ADGRG1: variants seen among roughly 807,000 people sequenced by gnomAD.
ADGRG1 encodes 7-transmembrane protein with no EGF-like N-terminal domains-1.
In ADGRG1, 53 loss-of-function variants were observed where a neutral mutation model predicts 73.5. The observed-to-expected ratio is 0.72, with a 90% CI of 0.58 to 0.91. The LOEUF (loss-of-function observed/expected upper bound fraction) is 0.91. Ranked by LOEUF, ADGRG1 falls within the 40% of genes least tolerant of loss-of-function variation. The pLI, the probability that ADGRG1 is intolerant of heterozygous loss-of-function variation, is 0.00. For missense variants in ADGRG1, 795 were observed against 871.8 expected (o/e 0.91, Z 1.11); for synonymous variants, 394 against 374.4 (o/e 1.05, Z -0.60).
intron 3 of ADGRG1, chr16:57,652,116 C>A (rs1354196021): frequency 2.9e-6 from 3 of 1,044,950 alleles, no homozygotes; most frequent in Non-Finnish European, 3.5e-6. Flanking sequence ...AACCCAGCAG[C>A]TGATTGGAGT....
intron 1 of ADGRG1, chr16:57,645,000 AC>A: frequency 1.1e-6 from 1 of 885,354 alleles, no homozygotes; most frequent in Non-Finnish European, 1.4e-6. Context: ...ACACACATGC[AC>A]ACTCATGCAT....
In ADGRG1 at chr16:57,630,482, T is replaced by C. The variant is rs560267364; in HGVS notation, c.-36+1680T>C. ...GGAGCTCAGCTGCTAAATGGGTGTG[T>C]AGGGGTGATCACAGCTGCCCTGGCT... On this transcript the variant is annotated intron_variant, in intron 1 of 13. Coordinates refer to ENST00000562631, the MANE Select transcript of ADGRG1 (RefSeq NM_201525.4). 428 of 985,736 alleles carry C rather than the reference T, an allele frequency of 4.3e-4. No homozygotes were observed. The Middle Eastern group carries it at 5.2e-3, about 12-fold the overall frequency. 61.1% of individuals were successfully genotyped at this position (985,736 alleles called of 1,614,324 possible).
chr16:57,630,236 GAGA>G (rs1347688827), intron 1 of ADGRG1: 3 of 455,040 alleles, frequency 6.6e-6, no homozygotes, highest in Non-Finnish European at 8.7e-6. Context: ...GAGACTGTGT[GAGA>G]AGGAGCATAT....
chr16:57,659,156 C>A (rs1317183364), intron 10 of ADGRG1: 3 of 985,258 alleles, frequency 3.0e-6, no homozygotes, highest in Non-Finnish European at 3.6e-6. Flanking sequence ...TGGTTGTCTT[C>A]CTCGCTCTGC....
chr16:57,642,692 A>T, intron 1 of ADGRG1: 2 of 956,806 alleles, frequency 2.1e-6, no homozygotes. Flanking sequence ...AAGTTACCTC[A>T]TGGTAAAGAT....
intron 1 of ADGRG1, among the ~76,000 whole-genome samples, chr16:57,634,740 G>A (rs1441753682): frequency 2.6e-5 from 4 of 152,222 alleles, no homozygotes; most frequent in African/African-American, 9.6e-5. Context: ...ATCGCATGGG[G>A]CTCCTCTTCA....
chr16:57,655,956 G>A lies in ADGRG1; in HGVS notation c.981G>A (p.Glu327=), dbSNP rs767661933. 2 of 1,614,094 alleles carry A rather than the reference G, an allele frequency of 1.2e-6. No homozygotes were observed. The highest frequency in any genetic ancestry group is 1.1e-5 in the South Asian group (1 of 91,082). Residue 327 remains glutamate (E), a synonymous_variant, in exon 7 of 14, where the codon GAG becomes GAA. Coordinates refer to ENST00000562631, the MANE Select transcript of ADGRG1 (RefSeq NM_201525.4). ...VQNTKVANLT[E]PVVLTFQHQL... ...ACACCAAAGTAGCCAACCTCACGGAGCCCGTGGTGCTCACTTTCCAGCACC... is the reference window on the plus strand; with the variant it reads ...ACACCAAAGTAGCCAACCTCACGGAACCCGTGGTGCTCACTTTCCAGCACC...
At chr16:57,640,466 G>C (rs757479787) in intron 1 of ADGRG1, among the ~76,000 whole-genome samples, 1 of 152,240 alleles carries the variant, frequency 6.6e-6, no homozygotes, top group African/African-American at 2.4e-5. Context: ...GCTTAAATGC[G>C]TGAACATGTG....
intron 13 of ADGRG1, chr16:57,663,120 A>T: frequency 2.1e-6 from 2 of 970,398 alleles, no homozygotes; most frequent in Non-Finnish European, 2.5e-6. Flanking sequence ...AAGTGGGTGG[A>T]CTTCAGAGCC....
In ADGRG1 at chr16:57,654,422, G is replaced by T. The variant is rs12597625; in HGVS notation, c.768+289G>T. ...GCCTGTCCACGCACCCCCCCCCCCC[G>T]TTTTTTTTTTTTCGAGACAGGGTCT... On this transcript the variant is annotated intron_variant, in intron 5 of 13. Transcript: ENST00000562631. Among the ~76,000 whole-genome samples, 68,738 of 115,194 alleles carry T rather than the reference G, an allele frequency of 0.6. 20,011 individuals are homozygous for T. The highest frequency in any genetic ancestry group is 0.66 in the African/African-American group (21,701 of 32,954). 75.6% of individuals were successfully genotyped at this position (115,194 alleles called of 152,430 possible). A position where few individuals can be genotyped will look rare whatever the true frequency, so the allele number is the denominator to read the frequency against.
chr16:57,658,968 A>C (rs2148515351), intron 10 of ADGRG1: 1 of 985,250 alleles, frequency 1.0e-6, no homozygotes, highest in East Asian at 1.1e-4. Flanking sequence ...TGGGGTGTGC[A>C]CACATTGACT....
chr16:57,653,870 C>T, intron 4 of ADGRG1, 116 bp from the exon 5 acceptor site: 2 of 1,591,734 alleles, frequency 1.3e-6, no homozygotes, highest in Non-Finnish European at 8.5e-7. Flanking sequence ...TCTGCCTCTG[C>T]CTCTGCCTCT....
chr16:57,628,897 TGTGAGTGTGAGTGTGTGAGA>T (rs1358806137), intron 1 of ADGRG1, 95 bp downstream of exon 1: 3 of 855,046 alleles, frequency 3.5e-6, no homozygotes, highest in Non-Finnish European at 4.1e-6. Flanking sequence ...AGTGTGAGTG[TGTGAGTGTGAGTGTGTGAGA>T]GTGAGTGTGA....
At chr16:57,640,483 G>A (rs2040528052) in intron 1 of ADGRG1, among the ~76,000 whole-genome samples, 1 of 152,220 alleles carries the variant, frequency 6.6e-6, no homozygotes, top group Non-Finnish European at 1.5e-5. Flanking sequence ...TGTGTAAAAA[G>A]CTCACAATCC....
chr16:57,623,070 TC>T, upstream of ADGRG1: 2 of 984,900 alleles, frequency 2.0e-6, no homozygotes, highest in Non-Finnish European at 2.4e-6. Context: ...GCAGCTCTAA[TC>T]CTGTGTGACC....
upstream of ADGRG1, chr16:57,623,946 C>T (rs552413110): frequency 1.1e-5 from 5 of 447,368 alleles, no homozygotes; most frequent in East Asian, 3.1e-4. Context: ...TCTCTCTGAG[C>T]CTCAGTTTTC....
In ADGRG1 at chr16:57,655,550, A is replaced by C; in HGVS notation, c.900+20A>C. Reference sequence around the variant, plus strand: ...TTCCAGGTATGGGGTCCTCACCCTCATGCCTCCCAGGAGAAAGCAGTTTTT... The same window carrying C: ...TTCCAGGTATGGGGTCCTCACCCTCCTGCCTCCCAGGAGAAAGCAGTTTTT... On this transcript the variant is annotated intron_variant, in intron 6 of 13. Transcript: ENST00000562631. The C allele has an allele frequency of 6.2e-7, 1 of 1,613,340 alleles. No individual in the cohort carries two copies. The highest frequency in any genetic ancestry group is 1.3e-5 in the African/African-American group (1 of 74,690).
At chr16:57,662,115 C>T in intron 13 of ADGRG1, 150 bp downstream of exon 13, 1 of 738,486 alleles carries the variant, frequency 1.4e-6, no homozygotes, top group East Asian at 2.6e-5. Context: ...CCACAGTCAA[C>T]AAGTCTTGAT....
At position 57,655,318 on chromosome 16, in the gene ADGRG1, GGT is replaced by G. The variant is rs34289485; in HGVS notation, c.769-65_769-64del. 281,179 of 1,502,204 alleles carry G rather than the reference GGT, an allele frequency of 0.19. 22,895 individuals are homozygous for G. Among genetic ancestry groups the G allele is most frequent in the East Asian group, 0.24 (9,936 of 41,186 alleles). 93.1% of individuals were successfully genotyped at this position (1,502,204 alleles called of 1,614,324 possible). On this transcript the variant is annotated intron_variant, in intron 5 of 13. Coordinates refer to ENST00000562631, the MANE Select transcript of ADGRG1 (RefSeq NM_201525.4). Reference sequence around the variant, plus strand: ...AAGTGGCAGCGTCCAGGAACGGATGGGTGTGTGTGTGTGTGTGCTAGGGTGGG... The same window carrying G: ...AAGTGGCAGCGTCCAGGAACGGATGGGTGTGTGTGTGTGTGCTAGGGTGGG...
Sources: allele counts gnomAD v4.1 joint callset (sites outside exome capture counted in the v4.1 genomes callset), GRCh38; gene constraint gnomAD v4.1.1; transcripts MANE v1.5; gene names NCBI Gene and HGNC (gene_info 2026-07-23, HGNC 2026-07-21).